The following CLPB variants were observed in gnomAD, a reference collection of about 807,000 sequenced individuals.
CLPB encodes the protein ClpB family mitochondrial disaggregase.
Under a neutral mutation model 78.4 loss-of-function variants are expected in CLPB, and 40 were observed. The observed-to-expected ratio is 0.51, with a 90% CI of 0.40 to 0.66. The LOEUF (loss-of-function observed/expected upper bound fraction) is 0.66, where lower values mean the gene tolerates loss of function less well. Ranked by LOEUF, CLPB falls within the 30% of genes least tolerant of loss-of-function variation. CLPB has a pLI of 0.00. For synonymous variants in CLPB, 333 were observed against 348.0 expected (o/e 0.96, Z 0.48); for missense variants, 780 against 886.9 (o/e 0.88, Z 1.53).
chr11:72,310,193 T>A (rs1044301220), intron 7 of CLPB, among the ~76,000 whole-genome samples: 1 of 152,210 alleles, frequency 6.6e-6, no homozygotes, highest in Admixed American at 6.5e-5. Flanking sequence ...ATCTCTAATG[T>A]TCCTGCCTAA....
At chr11:72,354,613 C>T in intron 5 of CLPB, 1 of 342,966 alleles carries the variant, frequency 2.9e-6, no homozygotes, top group Non-Finnish European at 5.2e-6. Flanking sequence ...TCCCTCCCTC[C>T]CACCACACCT....
intron 3 of CLPB, among the ~76,000 whole-genome samples, chr11:72,381,907 C>G (rs1228065653): frequency 6.6e-6 from 1 of 152,164 alleles, no homozygotes. Flanking sequence ...CCAGGCCCAT[C>G]CCAGTAGACC....
chr11:72,359,324 T>C, intron 4 of CLPB: 4 of 436,712 alleles, frequency 9.2e-6, no homozygotes, highest in Non-Finnish European at 1.8e-5. Context: ...CTGTTTGAGA[T>C]AAATGCTCTG....
intron 3 of CLPB, among the ~76,000 whole-genome samples, chr11:72,396,236 C>T (rs950864157): frequency 1.3e-5 from 2 of 152,086 alleles, no homozygotes; most frequent in Non-Finnish European, 2.9e-5. Flanking sequence ...GAAGGCAGTG[C>T]CGGGAACCAG....
chr11:72,396,954 C>T (rs947137848), intron 3 of CLPB, among the ~76,000 whole-genome samples: 5 of 152,122 alleles, frequency 3.3e-5, no homozygotes, highest in African/African-American at 1.2e-4. Flanking sequence ...TAAAATTCAT[C>T]CTTTTTAAGA....
chr11:72,346,703 C>T (rs376764572), intron 5 of CLPB, among the ~76,000 whole-genome samples: 7 of 151,942 alleles, frequency 4.6e-5, no homozygotes, highest in South Asian at 2.1e-4. Context: ...ACCCACCGAG[C>T]GTGGTGGCTC....
intron 4 of CLPB, among the ~76,000 whole-genome samples, chr11:72,364,782 G>T (rs1231622921): frequency 6.6e-6 from 1 of 152,136 alleles, no homozygotes; most frequent in Non-Finnish European, 1.5e-5. Flanking sequence ...GAAAGACCAT[G>T]GGGGCTGGAG....
Position 72,297,636 on chromosome 11 carries a change from G to GGTGTGTGTGT in CLPB, c.1330-1998_1330-1989dup, listed in dbSNP as rs67807556. 6.3e-3 allele frequency among the ~76,000 whole-genome samples: 593 copies of GGTGTGTGTGT among 93,408 alleles called. 17 individuals are homozygous for GGTGTGTGTGT. Among genetic ancestry groups the GGTGTGTGTGT allele is most frequent in the East Asian group, 8.6e-3 (26 of 3,034 alleles). 61.3% of individuals were successfully genotyped at this position (93,408 alleles called of 152,430 possible). On this transcript the variant is annotated intron_variant, in intron 11 of 15. Coordinates refer to ENST00000538039, the MANE Select transcript of CLPB (RefSeq NM_001258392.3). Reference sequence around the variant, plus strand: ...AGGGCAGTTCTAGTTTTGGGGACCAGGTGTGTGTGTGTGTGTGTGTGTGTG... The same window carrying GGTGTGTGTGT: ...AGGGCAGTTCTAGTTTTGGGGACCAGGTGTGTGTGTGTGTGTGTGTGTGTGTGTGTGTGTG...
At chr11:72,401,482 G>A (rs1392372944) in intron 3 of CLPB, among the ~76,000 whole-genome samples, 1 of 152,028 alleles carries the variant, frequency 6.6e-6, no homozygotes, top group African/African-American at 2.4e-5. Context: ...AAAGAAAAAA[G>A]AATAGGTGCT....
At chr11:72,430,491 C>T (rs1856513662) in intron 1 of CLPB, 128 bp from the exon 2 acceptor site, 3 of 707,780 alleles carry the variant, frequency 4.2e-6, no homozygotes, top group Middle Eastern at 4.9e-4. Context: ...ACTGATGTCA[C>T]AATATATAAT....
chr11:72,335,323 T>C (rs1050575263), intron 5 of CLPB, among the ~76,000 whole-genome samples: 6 of 152,200 alleles, frequency 3.9e-5, no homozygotes, highest in African/African-American at 1.2e-4. Flanking sequence ...TTATTGACTC[T>C]CCAAGTGGAA....
intron 3 of CLPB, among the ~76,000 whole-genome samples, chr11:72,384,808 T>G (rs1051875781): frequency 3.9e-5 from 6 of 152,186 alleles, no homozygotes; most frequent in African/African-American, 1.4e-4. Context: ...AGAAGGTCAT[T>G]ATATAATAAT....
At chr11:72,408,063 C>A (rs1855761415) in intron 2 of CLPB, 1 of 1,354,670 alleles carries the variant, frequency 7.4e-7, no homozygotes, top group Non-Finnish European at 1.0e-6. Context: ...TTTTAGGAGG[C>A]AGCACCGAAA....
intron 2 of CLPB, among the ~76,000 whole-genome samples, chr11:72,414,402 T>C (rs544103697): frequency 2.6e-5 from 4 of 152,334 alleles, no homozygotes; most frequent in African/African-American, 9.6e-5. Context: ...CCTGTCACAC[T>C]ACAGCAGTGA....
chr11:72,416,678 T>C (rs775928770), intron 2 of CLPB, among the ~76,000 whole-genome samples: 1 of 147,302 alleles, frequency 6.8e-6, no homozygotes, highest in Admixed American at 6.9e-5. Context: ...AGAGGTTGGA[T>C]TGAGCCAAGA....
rs763236925 is a variant in CLPB, at chr11:72,302,347, C to A, written c.1124G>T (p.Gly375Val). The change falls in exon 10 of 16, where the codon GGC (glycine) becomes GTC (valine). Residue 375 changes from glycine (G) to valine (V), a missense_variant and splice_region_variant. This residue lies in a region of CLPB where 91 missense variants were observed against 168.2 expected (regional missense o/e 0.54). Coordinates refer to ENST00000538039, the MANE Select transcript of CLPB (RefSeq NM_001258392.3). ...CTCGGACATGTCCAGCCTGATGAAG[C>A]CCTGTGTGGAAACAAGCAAGTACCA... ...AKYMHKDAKK[G>V]FIRLDMSEFQ... 6.2e-7 allele frequency: 1 copy of A among 1,614,094 alleles called. No homozygotes were observed. Among genetic ancestry groups the A allele is most frequent in the Admixed American group, 1.7e-5 (1 of 60,026 alleles).
At chr11:72,320,960 G>A (rs1450582331) in intron 6 of CLPB, among the ~76,000 whole-genome samples, 9 of 152,242 alleles carry the variant, frequency 5.9e-5, no homozygotes, top group East Asian at 5.8e-4. Flanking sequence ...TGATCCACTC[G>A]TCTTGGCCTC....
Position 72,317,189 on chromosome 11 carries a change from T to A in CLPB, c.905A>T (p.Glu302Val). The part of the protein sequence containing the change: ...YQEKQRKREA[E>V]ERRRFPLEQR... ...CTCCAGGGGGAAGCGGCGCCGCTCC[T>A]CAGCCTCACGCTTCCGCTGCTTCTC... Residue 302 changes from glutamate to valine, a missense_variant, in exon 7 of 16, where the codon GAG becomes GTG. By Grantham distance (121) the Glu-to-Val change is moderately radical (BLOSUM62 -2). Transcript: ENST00000538039. 6.2e-7 allele frequency: 1 copy of A among 1,612,164 alleles called. No homozygotes were observed.
At chr11:72,354,355 C>A (rs1437843038) in intron 5 of CLPB, 1 of 397,496 alleles carries the variant, frequency 2.5e-6, no homozygotes, top group Non-Finnish European at 4.4e-6. Context: ...ACGATGGATG[C>A]CTTGGAGAAT....
Sources: gnomAD v4.1 joint callset for allele counts (sites outside exome capture counted in the v4.1 genomes callset) on GRCh38, gnomAD v4.1.1 for gene constraint, gnomAD v4.1.1 regional missense constraint, MANE v1.5 for transcripts, NCBI Gene and HGNC (gene_info 2026-07-23, HGNC 2026-07-21) for gene names.